JMJD1C: variants seen among roughly 807,000 people sequenced by gnomAD.
JMJD1C encodes the protein jumonji domain containing 1C.
Under a neutral mutation model 245.3 loss-of-function variants are expected in JMJD1C, and 31 were observed. That is an observed-to-expected ratio of 0.13 (90% CI 0.09 to 0.17). The LOEUF (loss-of-function observed/expected upper bound fraction) is 0.17. Among genes scored for constraint, JMJD1C ranks in the 10% least tolerant of loss-of-function variants. The pLI is 1.00. For missense variants in JMJD1C, 2,691 were observed against 3,000.2 expected, an observed-to-expected ratio of 0.90 and a Z score of 2.41; for synonymous variants, 1,057 against 1,017.4, an observed-to-expected ratio of 1.04 and a Z score of -0.74.
chr10:63,299,508 G>A (rs961531552), intron 2 of JMJD1C, among the ~76,000 whole-genome samples: 6 of 151,950 alleles, frequency 3.9e-5, no homozygotes, highest in Non-Finnish European at 7.4e-5. Flanking sequence ...TCTTATTATA[G>A]TTTCTCAGCA....
chr10:63,417,129 A>C lies in JMJD1C; in HGVS notation c.169-36647T>G, dbSNP rs531018083. Among the ~76,000 whole-genome samples, 4 of 152,196 alleles carry C rather than the reference A, an allele frequency of 2.6e-5. No homozygotes were observed. The South Asian group carries it at 8.3e-4, about 32-fold the overall frequency. ...TCACTGACGGCACCTACTTTGAAAA[A>C]ATTTTTTACCCAAACCATCTTGAAA... On this transcript the variant is annotated intron_variant, in intron 1 of 25. Coordinates refer to ENST00000399262, the MANE Select transcript of JMJD1C (RefSeq NM_032776.3).
chr10:63,379,236 T>TAA (rs1041565031), intron 2 of JMJD1C, among the ~76,000 whole-genome samples: 2 of 152,148 alleles, frequency 1.3e-5, no homozygotes, highest in Non-Finnish European at 2.9e-5. Flanking sequence ...GGAACTACCC[T>TAA]AACTCATTAG....
chr10:63,517,453 C>T (rs1419641771), intron 1 of JMJD1C, among the ~76,000 whole-genome samples: 1 of 152,158 alleles, frequency 6.6e-6, no homozygotes, highest in East Asian at 1.9e-4. Flanking sequence ...GTGTGATTTA[C>T]CAAACATCCT....
At chr10:63,376,058 C>G (rs1326222303) in intron 2 of JMJD1C, among the ~76,000 whole-genome samples, 1 of 152,092 alleles carries the variant, frequency 6.6e-6, no homozygotes, top group African/African-American at 2.4e-5. Context: ...CAACAGTAAT[C>G]AAAACAGTGA....
chr10:63,204,571 CAATT>C (rs1278374204), intron 10 of JMJD1C: 7 of 985,270 alleles, frequency 7.1e-6, no homozygotes, highest in East Asian at 1.1e-4. Flanking sequence ...AGAAGAGAAA[CAATT>C]AAATTGCTCA....
intron 2 of JMJD1C, among the ~76,000 whole-genome samples, chr10:63,291,702 A>G (rs1013648192): frequency 6.6e-6 from 1 of 151,786 alleles, no homozygotes; most frequent in Non-Finnish European, 1.5e-5. Context: ...ATCACAGTGC[A>G]CTATGGCCTC....
intron 1 of JMJD1C, among the ~76,000 whole-genome samples, chr10:63,507,927 T>C (rs1954771359): frequency 6.6e-6 from 1 of 152,242 alleles, no homozygotes; most frequent in Non-Finnish European, 1.5e-5. Flanking sequence ...TTGTTTATAT[T>C]CTTACTGTTG....
chr10:63,360,569 T>C (rs1440708684), intron 2 of JMJD1C, among the ~76,000 whole-genome samples: 1 of 152,212 alleles, frequency 6.6e-6, no homozygotes, highest in Non-Finnish European at 1.5e-5. Flanking sequence ...ACAATAGGTA[T>C]GTTTAATTTA....
At chr10:63,331,971 T>C (rs768839700) in intron 2 of JMJD1C, among the ~76,000 whole-genome samples, 6 of 152,172 alleles carry the variant, frequency 3.9e-5, no homozygotes, top group Non-Finnish European at 8.8e-5. Flanking sequence ...GGTATACACA[T>C]ACTACCCATA....
At chr10:63,189,051 C>A in intron 18 of JMJD1C, 117 bp downstream of exon 18, 1 of 799,862 alleles carries the variant, frequency 1.3e-6, no homozygotes, top group African/African-American at 1.7e-5. Context: ...TTATTGTCCC[C>A]CAAATGTGTT....
intron 2 of JMJD1C, among the ~76,000 whole-genome samples, chr10:63,315,254 C>T (rs1026496614): frequency 6.6e-6 from 1 of 152,148 alleles, no homozygotes; most frequent in Admixed American, 6.5e-5. Context: ...CAGTTTTCAA[C>T]CCTTGTCCCT....
At chr10:63,247,345 A>G (rs1852351662) in intron 3 of JMJD1C, among the ~76,000 whole-genome samples, 1 of 152,232 alleles carries the variant, frequency 6.6e-6, no homozygotes, top group South Asian at 2.1e-4. Context: ...AAAACCCAGA[A>G]AAATGGATAA....
intron 2 of JMJD1C, among the ~76,000 whole-genome samples, chr10:63,272,559 C>T (rs1354868725): frequency 6.6e-6 from 1 of 152,114 alleles, no homozygotes; most frequent in South Asian, 2.1e-4. Flanking sequence ...GCCAAGGTAA[C>T]TTTAGAACGA....
At chr10:63,450,562 GA>G (rs1951994603) in intron 1 of JMJD1C, among the ~76,000 whole-genome samples, 1 of 151,990 alleles carries the variant, frequency 6.6e-6, no homozygotes, top group Non-Finnish European at 1.5e-5. Flanking sequence ...TTCACATAAT[GA>G]AGGGAAAAAA....
At chr10:63,421,151 A>G (rs1485322536) in intron 1 of JMJD1C, among the ~76,000 whole-genome samples, 17 of 152,122 alleles carry the variant, frequency 1.1e-4, no homozygotes, top group Admixed American at 1.0e-3. Flanking sequence ...CCTGACTAAC[A>G]TGGTGAAACC....
intron 2 of JMJD1C, among the ~76,000 whole-genome samples, chr10:63,296,328 T>C (rs1339608523): frequency 6.6e-6 from 1 of 152,044 alleles, no homozygotes; most frequent in Non-Finnish European, 1.5e-5. Context: ...GATTCATTAA[T>C]ATTGAGATCA....
At chr10:63,430,216 G>GT in intron 1 of JMJD1C, among the ~76,000 whole-genome samples, 1 of 152,252 alleles carries the variant, frequency 6.6e-6, no homozygotes, top group South Asian at 2.1e-4. Flanking sequence ...AGACCAATAT[G>GT]TAAGACCCAT....
intron 1 of JMJD1C, among the ~76,000 whole-genome samples, chr10:63,426,263 C>T (rs1353545145): frequency 6.6e-6 from 1 of 151,852 alleles, no homozygotes; most frequent in Non-Finnish European, 1.5e-5. Flanking sequence ...ACTGGTAGTC[C>T]TCACAGGATC....
At chr10:63,382,928 T>G (rs547339612) in intron 1 of JMJD1C, 40 of 450,964 alleles carry the variant, frequency 8.9e-5, no homozygotes, top group African/African-American at 7.4e-4. Context: ...CTGCAATTAC[T>G]TTTTTTATAG....
Sources: allele counts gnomAD v4.1 joint callset (sites outside exome capture counted in the v4.1 genomes callset), GRCh38; gene constraint gnomAD v4.1.1; transcripts MANE v1.5; gene names NCBI Gene and HGNC (gene_info 2026-07-23, HGNC 2026-07-21).